The following CD151 variants were observed in gnomAD, a reference collection of about 807,000 sequenced individuals.
CD151 encodes CD151 molecule (Raph blood group).
In CD151, 20 loss-of-function variants were observed where a neutral mutation model predicts 34.2. That is an observed-to-expected ratio of 0.58 (90% CI 0.41 to 0.85). The LOEUF (loss-of-function observed/expected upper bound fraction) is 0.85, where lower values mean the gene tolerates loss of function less well. Among genes scored for constraint, CD151 ranks in the 40% least tolerant of loss-of-function variants. CD151 has a pLI of 0.00. For synonymous variants in CD151, 157 were observed against 131.7 expected, an observed-to-expected ratio of 1.19 and a Z score of -1.32; for missense variants, 306 against 324.5, an observed-to-expected ratio of 0.94 and a Z score of 0.44.
In CD151 at chr11:838,728, GCC is replaced by G; in HGVS notation, c.*537_*538del. ...TCACTGTGCACTGCCCTGTTCATGT[GCC>G]TCTGCGGGGCAGGGCCTTCCTGGTT... On this transcript the variant is annotated 3_prime_UTR_variant, in exon 9 of 9. Coordinates refer to ENST00000397420, the MANE Select transcript of CD151 (RefSeq NM_004357.5). 4 of 173,230 alleles carry G rather than the reference GCC, an allele frequency of 2.3e-5. No homozygotes were observed. The highest frequency in any genetic ancestry group is 3.8e-5 in the Non-Finnish European group (3 of 79,796). The allele number at this position is 173,230 out of a possible 1,614,324, so 10.7% of individuals were successfully genotyped here.
In CD151 at chr11:836,455, C is replaced by A; in HGVS notation, c.276+13C>A. The A allele has an allele frequency of 6.3e-7, 1 of 1,590,736 alleles. No individual in the cohort carries two copies. The highest frequency in any genetic ancestry group is 8.6e-7 in the Non-Finnish European group (1 of 1,169,454). ...CCTGCTGCGCCTGGTCAGGAGGGCG[C>A]AGGGCCACGGGGTGGGGGTGGTGCA... On this transcript the variant is annotated intron_variant, in intron 4 of 8. Coordinates refer to ENST00000397420, the MANE Select transcript of CD151 (RefSeq NM_004357.5).
Position 837,342 on chromosome 11 carries a change from G to A in CD151, c.444G>A (p.Gln148=). The A allele has an allele frequency of 1.2e-6, 2 of 1,612,796 alleles. No homozygotes were observed. Among genetic ancestry groups the A allele is most frequent in the Non-Finnish European group, 8.5e-7 (1 of 1,179,836 alleles). The stretch of plus-strand genomic sequence containing the variant: ...AGGCTGTGACCAGCGCTGTGGACCA[G>A]CTGCAGCAGGAGGTGGGTGGGTGGT... The part of the protein sequence containing the change: ...GHEAVTSAVD[Q]LQQEFHCCGS... The change falls in exon 6 of 9, where the codon CAG becomes CAA. Residue 148 remains glutamine, a synonymous_variant. Transcript: ENST00000397420.
At chr11:835,482 G>T (rs1022064007) in intron 2 of CD151, 1 of 151,370 alleles carries the variant, frequency 6.6e-6, no homozygotes, top group Non-Finnish European at 1.5e-5. Flanking sequence ...GGGACCACAG[G>T]CGCCCACCAT....
In CD151 at chr11:837,901, G is replaced by A. The variant is rs377744849; in HGVS notation, c.616-41G>A. 32 of 1,479,492 alleles carry A rather than the reference G, an allele frequency of 2.2e-5. No individual in the cohort carries two copies. The African/African-American group carries it at 3.2e-4, about 15-fold the overall frequency. 91.6% of individuals were successfully genotyped at this position (1,479,492 alleles called of 1,614,324 possible). A position where few individuals can be genotyped will look rare whatever the true frequency, so the allele number is the denominator to read the frequency against. On this transcript the variant is annotated intron_variant, in intron 7 of 8. Transcript: ENST00000397420. ...GAGGCAGTAGGGGCCAGTGGGAGGTGCCCCCTGGGCCCGCCTTCAACACCC... is the reference window on the plus strand; with the variant it reads ...GAGGCAGTAGGGGCCAGTGGGAGGTACCCCCTGGGCCCGCCTTCAACACCC...
At chr11:836,875 C>T (rs777916346) in intron 5 of CD151, 32 bp downstream of exon 5, 1 of 1,584,178 alleles carries the variant, frequency 6.3e-7, no homozygotes. Flanking sequence ...TTCAGAGACA[C>T]AGACATGCAC....
intron 1 of CD151, among the ~76,000 whole-genome samples, chr11:833,293 C>G (rs1846603963): frequency 6.6e-6 from 1 of 152,196 alleles, no homozygotes; most frequent in African/African-American, 2.4e-5. Context: ...AGAGGCGCCT[C>G]CCGGGCCCTT....
At chr11:836,695 G>C in intron 4 of CD151, 74 bp from the exon 5 acceptor site, 1 of 1,441,084 alleles carries the variant, frequency 6.9e-7, no homozygotes, top group Admixed American at 1.7e-5. Context: ...CCGGGGTGGG[G>C]ACTCTGCTCT....
Position 838,239 on chromosome 11 carries a change from AC to A in CD151, c.*49del. 1 of 1,496,626 alleles carries A rather than the reference AC, an allele frequency of 6.7e-7. No individual in the cohort carries two copies. The highest frequency in any genetic ancestry group is 9.3e-7 in the Non-Finnish European group (1 of 1,074,650). 92.7% of individuals were successfully genotyped at this position (1,496,626 alleles called of 1,614,324 possible). A position where few individuals can be genotyped will look rare whatever the true frequency, so the allele number is the denominator to read the frequency against. ...TGCTGCACCCAACTACTGAGCTGAG[AC>A]CACTGAGTACCAGGGGCTGGGCTCC... On this transcript the variant is annotated 3_prime_UTR_variant, in exon 9 of 9. Coordinates refer to ENST00000397420, the MANE Select transcript of CD151 (RefSeq NM_004357.5).
At position 838,645 on chromosome 11, in the gene CD151, C is replaced by T. The variant is rs1400622854; in HGVS notation, c.*453C>T. The T allele has an allele frequency of 2.2e-5, 5 of 229,214 alleles. 1 individual carries two copies. Among genetic ancestry groups the T allele is most frequent in the South Asian group, 1.3e-4 (2 of 15,954 alleles). The allele number at this position is 229,214 out of a possible 1,614,324, so 14.2% of individuals were successfully genotyped here. ...CTCCCAACCCAGCCCTCGTCTCCCT[C>T]GACAGCGCCCCTGCTGTCTTCCCCA... On this transcript the variant is annotated 3_prime_UTR_variant, in exon 9 of 9. Coordinates refer to ENST00000397420, the MANE Select transcript of CD151 (RefSeq NM_004357.5).
rs775998930 is a variant in CD151 at position 838,007 on chromosome 11, G to A, written c.681G>A (p.Gly227=). The change falls in exon 8 of 9, where the codon GGG becomes GGA. Residue 227 remains glycine, a synonymous_variant. Coordinates refer to ENST00000397420, the MANE Select transcript of CD151 (RefSeq NM_004357.5). ...ACCTGAGGGTCATTGGGGCTGTGGG[G>A]ATCGGCATTGCCTGTGTGCAGGTGA... is the stretch of plus-strand genomic sequence containing the variant. ...QEHLRVIGAV[G]IGIACVQVFG... 1 of 1,613,450 alleles carries A rather than the reference G, an allele frequency of 6.2e-7. No individual in the cohort carries two copies.
intron 2 of CD151, chr11:835,749 A>G (rs1260876039): frequency 3.6e-4 from 105 of 289,440 alleles, no homozygotes; most frequent in South Asian, 5.3e-4. Context: ...GTGCAGTGGC[A>G]CCATCTCGGC....
At chr11:836,952 A>G in intron 5 of CD151, 109 bp downstream of exon 5, 1 of 973,590 alleles carries the variant, frequency 1.0e-6, no homozygotes, top group Non-Finnish European at 1.6e-6. Context: ...ATGGTCCCAG[A>G]GCTAACCAAT....
intron 2 of CD151, chr11:835,844 C>A: frequency 2.0e-6 from 1 of 494,820 alleles, no homozygotes; most frequent in South Asian, 2.2e-5. Context: ...CCCGCCACCA[C>A]GCCCGGCTAA....
Position 836,673 on chromosome 11 carries a change from G to C in CD151, c.277-96G>C, listed in dbSNP as rs573246601. 5.9e-5 allele frequency: 73 copies of C among 1,241,780 alleles called. No individual in the cohort carries two copies. In the African/African-American group the frequency reaches 1.0e-3, roughly 17 times the overall value. The allele number at this position is 1,241,780 out of a possible 1,614,324, so 76.9% of individuals were successfully genotyped here. On this transcript the variant is annotated intron_variant, in intron 4 of 8. Coordinates refer to ENST00000397420, the MANE Select transcript of CD151 (RefSeq NM_004357.5). ...GTGGCCGCCCCTCAGCCCCCACCTG[G>C]AGCCTGGGGAGCCGGGGTGGGGACT...
At chr11:835,957 G>A (rs578140740) in intron 2 of CD151, 106 bp from the exon 3 acceptor site, 4 of 707,640 alleles carry the variant, frequency 5.7e-6, no homozygotes, top group African/African-American at 5.2e-5. Flanking sequence ...AAAGTGCTGG[G>A]ATTACAGGCG....
At chr11:836,912 C>A (rs1846797524) in intron 5 of CD151, 69 bp downstream of exon 5, 1 of 1,380,446 alleles carries the variant, frequency 7.2e-7, no homozygotes, top group Non-Finnish European at 1.0e-6. Context: ...CACACATGCA[C>A]ACGCGTGGCT....
intron 1 of CD151, among the ~76,000 whole-genome samples, chr11:833,521 C>T (rs989525020): frequency 6.6e-6 from 1 of 152,210 alleles, no homozygotes; most frequent in African/African-American, 2.4e-5. Context: ...AGTCCCAGGT[C>T]CCCCTGACTG....
intron 1 of CD151, among the ~76,000 whole-genome samples, chr11:834,305 G>C (rs1467101548): frequency 1.3e-5 from 2 of 152,316 alleles, no homozygotes; most frequent in South Asian, 2.1e-4. Flanking sequence ...GTTGCAGTGA[G>C]CTGAGATCGT....
In CD151 at chr11:836,084, C is replaced by T. The variant is rs377513403; in HGVS notation, c.15C>T (p.Asn5=). 4.0e-5 allele frequency: 65 copies of T among 1,611,876 alleles called. No homozygotes were observed. The highest frequency in any genetic ancestry group is 2.0e-4 in the African/African-American group (15 of 74,884). The change falls in exon 3 of 9, where the codon AAC becomes AAT. Residue 5 remains asparagine, a synonymous_variant. Coordinates refer to ENST00000397420, the MANE Select transcript of CD151 (RefSeq NM_004357.5). ...TCAGCCCCAGGATGGGTGAGTTCAA[C>T]GAGAAGAAGACAACATGTGGCACCG... MGEF[N]EKKTTCGTVC...
Sources: gnomAD v4.1 joint callset for allele counts (sites outside exome capture counted in the v4.1 genomes callset) on GRCh38, gnomAD v4.1.1 for gene constraint, MANE v1.5 for transcripts, NCBI Gene and HGNC (gene_info 2026-07-23, HGNC 2026-07-21) for gene names.